Variants in MTERF4 observed in about 807,000 individuals in gnomAD.
The protein encoded by MTERF4 is transcription termination factor 4, mitochondrial.
Under a neutral mutation model 22.5 loss-of-function variants are expected in MTERF4, and 17 were observed. That is an observed-to-expected ratio of 0.75 (90% CI 0.52 to 1.13). The LOEUF is 1.13. Ranked by LOEUF, MTERF4 falls within the 50% of genes most tolerant of loss-of-function variation. The pLI is 0.00. For synonymous variants in MTERF4, 165 were observed against 175.3 expected (o/e 0.94, Z 0.47); for missense variants, 420 against 466.8 (o/e 0.90, Z 0.92).
chr2:241,052,698 G>GACACCAGTGCGAGGCAGGTGAGATGGCC, the MTERF4 span, among the ~76,000 whole-genome samples: 2 of 69,074 alleles, frequency 2.9e-5, no homozygotes, highest in African/African-American at 1.4e-4. Context: ...GGCGGGGGGG[G>GACACCAGTGCGAGGCAGGTGAGATGGCC]GGGGGGTCAA....
At chr2:241,069,459 G>A (rs73110194), downstream of MTERF4, among the ~76,000 whole-genome samples, 18,041 of 152,130 alleles carry the variant, frequency 0.12, 2,629 homozygotes, top group African/African-American at 0.32. The surrounding 1 kb of genome is among the most constrained non-coding windows in gnomAD (Gnocchi z 4.9). Flanking sequence ...AGCGCGCAGG[G>A]GAGGGACAGG....
At chr2:241,067,982 G>T, downstream of MTERF4, 3 of 1,508,752 alleles carry the variant, frequency 2.0e-6, no homozygotes, top group Non-Finnish European at 2.7e-6. Flanking sequence ...GGGCTGGGGT[G>T]AAGGCAGGGG....
chr2:241,090,841 T>C (rs2063914727), downstream of MTERF4, among the ~76,000 whole-genome samples: 1 of 147,800 alleles, frequency 6.8e-6, no homozygotes, highest in East Asian at 2.0e-4. Context: ...TACTACAGCT[T>C]AGGCAACTGA....
At chr2:241,097,095 C>G in intron 3 of MTERF4, 148 bp downstream of exon 3, 1 of 887,426 alleles carries the variant, frequency 1.1e-6, no homozygotes, top group Admixed American at 2.5e-5. Context: ...ATCCATATAA[C>G]TGACCTTCAC....
At chr2:241,102,230 CCG>C (rs1347620002) in intron 1 of MTERF4, 21 bp downstream of exon 1, 6 of 1,548,772 alleles carry the variant, frequency 3.9e-6, no homozygotes. Context: ...CCGGAGAAGC[CCG>C]CGCGCCCAGC....
At chr2:241,056,005 T>C in the MTERF4 span, among the ~76,000 whole-genome samples, 6 of 152,194 alleles carry the variant, frequency 3.9e-5, no homozygotes, top group African/African-American at 1.4e-4. Flanking sequence ...AATTTTCTAC[T>C]TTGATTTCCA....
At chr2:241,077,234 C>T (rs570435847) in intron 4 of MTERF4, among the ~76,000 whole-genome samples, 29 of 152,184 alleles carry the variant, frequency 1.9e-4, no homozygotes, top group Admixed American at 5.2e-4. Flanking sequence ...AGAATGAGGC[C>T]GGAGCCCTCG....
chr2:241,096,317 G>T lies in MTERF4; in HGVS notation c.827C>A (p.Thr276Asn). The change falls in exon 4 of 4, where the codon ACC becomes AAC. Residue 276 changes from threonine to asparagine, a missense_variant. By Grantham distance (65) the Thr-to-Asn change is moderately conservative. Transcript: ENST00000391980. The surrounding 1 kb of genome is among the most constrained non-coding windows in gnomAD (Gnocchi z 5.1). Reference protein sequence around the residue: ...IYLERLGRYQTPDKKGQTQIP... With the variant: ...IYLERLGRYQNPDKKGQTQIP... ...CTGTGTCTGCCCCTTCTTATCAGGG[G>T]TTTGGTACCGTCCCAGGCGCTCCAG... The T allele has an allele frequency of 6.2e-7, 1 of 1,614,176 alleles. No individual in the cohort carries two copies. The highest frequency in any genetic ancestry group is 8.5e-7 in the Non-Finnish European group (1 of 1,180,034).
At chr2:241,098,142 A>T (rs1403265736) in intron 2 of MTERF4, among the ~76,000 whole-genome samples, 1 of 152,122 alleles carries the variant, frequency 6.6e-6, no homozygotes, top group African/African-American at 2.4e-5. Flanking sequence ...GTTAATTAAA[A>T]TTTTCCTAAC....
downstream of MTERF4, chr2:241,090,019 G>A (rs1449403003): frequency 6.5e-7 from 1 of 1,548,318 alleles, no homozygotes; most frequent in South Asian, 1.2e-5. Context: ...GCGCAGGACT[G>A]GCAGTTGCAC....
chr2:241,082,386 G>A (rs746481464), downstream of MTERF4: 18 of 1,580,772 alleles, frequency 1.1e-5, no homozygotes, highest in South Asian at 4.4e-5. Context: ...TCTGTCCTCC[G>A]CCTTACCGCA....
the MTERF4 span, among the ~76,000 whole-genome samples, chr2:241,047,390 A>G: frequency 2.0e-5 from 3 of 152,264 alleles, no homozygotes; most frequent in East Asian, 1.9e-4. Context: ...AAATAGGTCC[A>G]TAATTATTGG....
At chr2:241,087,950 T>G (rs925965246), downstream of MTERF4, 2 of 399,688 alleles carry the variant, frequency 5.0e-6, no homozygotes, top group Non-Finnish European at 8.8e-6. Context: ...TCGAAGCCTG[T>G]CATCGTCCTC....
downstream of MTERF4, chr2:241,088,542 A>G: frequency 1.4e-6 from 1 of 711,620 alleles, no homozygotes; most frequent in East Asian, 2.5e-5. Context: ...CTGCTGTGTT[A>G]CAGACTCCCG....
downstream of MTERF4, among the ~76,000 whole-genome samples, chr2:241,082,106 C>T (rs562716105): frequency 1.1e-4 from 17 of 152,300 alleles, no homozygotes; most frequent in East Asian, 3.3e-3. Context: ...ACCAACCCAC[C>T]CCGGCCTTAG....
At chr2:241,072,449 G>A (rs761824701) in exon 5 of MTERF4, 23 of 356,180 alleles carry the variant, frequency 6.5e-5, no homozygotes, top group Non-Finnish European at 8.8e-5. Flanking sequence ...AGGCAGGCGC[G>A]ACCCTGCCCC....
chr2:241,064,000 G>A, the MTERF4 span: 1 of 1,545,034 alleles, frequency 6.5e-7, no homozygotes, highest in Non-Finnish European at 8.8e-7. Flanking sequence ...CCACTCTCTG[G>A]GTGTTCTCCA....
chr2:241,068,387 C>T (rs1052301635), downstream of MTERF4, among the ~76,000 whole-genome samples: 1 of 151,800 alleles, frequency 6.6e-6, no homozygotes, highest in Non-Finnish European at 1.5e-5. This position sits in a 1 kb window ranked among gnomAD's most constrained non-coding sequence, Gnocchi z 5.3. Context: ...TCCCAGGAGT[C>T]CCACAGTGGA....
At chr2:241,057,410 T>TGC in the MTERF4 span, among the ~76,000 whole-genome samples, 2 of 123,902 alleles carry the variant, frequency 1.6e-5, no homozygotes, top group African/African-American at 6.1e-5. Context: ...TATATATATA[T>TGC]ATGCCATACG....
Sources: allele counts gnomAD v4.1 joint callset (sites outside exome capture counted in the v4.1 genomes callset), GRCh38; gene constraint gnomAD v4.1.1; non-coding constraint Gnocchi (gnomAD v3.1); transcripts MANE v1.5; gene names NCBI Gene and HGNC (gene_info 2026-07-23, HGNC 2026-07-21).